Variants in RPS6KA5 observed in about 807,000 individuals in gnomAD.
The protein encoded by RPS6KA5 is ribosomal protein S6 kinase alpha-5.
Under a neutral mutation model 85.5 loss-of-function variants are expected in RPS6KA5, and 27 were observed. The observed-to-expected ratio is 0.32, with a 90% CI of 0.23 to 0.44. The LOEUF is 0.44. Ranked by LOEUF, RPS6KA5 falls within the 20% of genes least tolerant of loss-of-function variation. The probability of loss-of-function intolerance (pLI) is 1.00; values close to 1 mark genes in which losing one functional copy is unlikely to be tolerated. For missense variants in RPS6KA5, 811 were observed against 980.9 expected, an observed-to-expected ratio of 0.83 and a Z score of 2.31; for synonymous variants, 334 against 348.2, an observed-to-expected ratio of 0.96 and a Z score of 0.46.
In RPS6KA5 at chr14:90,872,003, A is replaced by G; in HGVS notation, c.*71T>C. ...ACCAACGGGAAACATTTTTAAAAGC[A>G]TAAAAGATCGCCTCAGGCATATGCT... On this transcript the variant is annotated 3_prime_UTR_variant, in exon 17 of 17. Transcript: ENST00000614987. The G allele has an allele frequency of 6.6e-7, 1 of 1,519,036 alleles. No homozygotes were observed. The highest frequency in any genetic ancestry group is 2.2e-5 in the Admixed American group (1 of 44,706). 94.1% of individuals were successfully genotyped at this position (1,519,036 alleles called of 1,614,324 possible).
chr14:91,047,869 C>T (rs1324286606), intron 1 of RPS6KA5, among the ~76,000 whole-genome samples: 3 of 152,176 alleles, frequency 2.0e-5, no homozygotes, highest in African/African-American at 4.8e-5. Flanking sequence ...GCAATGGCAT[C>T]ACTGATCTGT....
At chr14:90,965,270 A>C (rs1183863878) in intron 3 of RPS6KA5, among the ~76,000 whole-genome samples, 1 of 152,116 alleles carries the variant, frequency 6.6e-6, no homozygotes, top group African/African-American at 2.4e-5. Flanking sequence ...CTGTAATCCC[A>C]GGTACTCGGG....
rs562176628 is a variant in RPS6KA5 at position 90,875,119 on chromosome 14, A to G, written c.1996+82T>C. On this transcript the variant is annotated intron_variant, in intron 15 of 16. Coordinates refer to ENST00000614987, the MANE Select transcript of RPS6KA5 (RefSeq NM_004755.4). Reference sequence around the variant, plus strand: ...CACATGGATTCCTCGAGTAATTAACATATGAATGTATGTGTAATGGCCATG... The same window carrying G: ...CACATGGATTCCTCGAGTAATTAACGTATGAATGTATGTGTAATGGCCATG... 3.1e-6 allele frequency: 4 copies of G among 1,306,706 alleles called. No homozygotes were observed. In the Admixed American group the frequency reaches 6.2e-5, roughly 20 times the overall value. 80.9% of individuals were successfully genotyped at this position (1,306,706 alleles called of 1,614,324 possible). A position where few individuals can be genotyped will look rare whatever the true frequency, so the allele number is the denominator to read the frequency against.
chr14:90,885,715 C>G (rs1223766608), intron 14 of RPS6KA5, among the ~76,000 whole-genome samples: 1 of 126,958 alleles, frequency 7.9e-6, no homozygotes, highest in Admixed American at 9.1e-5. Context: ...GCACTCCAGC[C>G]TGGGTGACAG....
At chr14:90,906,394 AAG>A (rs1164465706) in intron 7 of RPS6KA5, 95 bp from the exon 8 acceptor site, 3 of 976,830 alleles carry the variant, frequency 3.1e-6, no homozygotes, top group Non-Finnish European at 4.5e-6. Flanking sequence ...CCACATGTGA[AAG>A]AGAGATATAA....
chr14:91,010,519 T>C (rs974144935), intron 1 of RPS6KA5, among the ~76,000 whole-genome samples: 1 of 152,168 alleles, frequency 6.6e-6, no homozygotes, highest in African/African-American at 2.4e-5. Context: ...AAACCCCTAA[T>C]GTCAATGTCA....
At chr14:91,017,960 A>C (rs1331147436) in intron 1 of RPS6KA5, among the ~76,000 whole-genome samples, 1 of 152,212 alleles carries the variant, frequency 6.6e-6, no homozygotes, top group Non-Finnish European at 1.5e-5. Flanking sequence ...CAATAAAGGT[A>C]AGGAAGAGTA....
chr14:90,926,752 G>A lies in RPS6KA5; in HGVS notation c.619-3556C>T, dbSNP rs1184945691. Among the ~76,000 whole-genome samples the A allele has an allele frequency of 2.0e-5, 3 of 151,556 alleles. No individual in the cohort carries two copies. In the East Asian group the frequency reaches 5.8e-4, roughly 29 times the overall value. ...TTTATACCCAGCAGCTAAGTTATCA[G>A]TTAATATGCAGGGCAAAATAAAGCA... On this transcript the variant is annotated intron_variant, in intron 5 of 16. Transcript: ENST00000614987.
chr14:91,012,330 T>C (rs1424216063), intron 1 of RPS6KA5, among the ~76,000 whole-genome samples: 1 of 152,240 alleles, frequency 6.6e-6, no homozygotes, highest in African/African-American at 2.4e-5. Flanking sequence ...TGACACTGTA[T>C]TGCACATATT....
At position 91,004,758 on chromosome 14, in the gene RPS6KA5, G is replaced by A. The variant is rs571375761; in HGVS notation, c.104-3599C>T. On this transcript the variant is annotated intron_variant, in intron 1 of 16. Coordinates refer to ENST00000614987, the MANE Select transcript of RPS6KA5 (RefSeq NM_004755.4). ...CGAGGCGGGTGGATCACGAGGTCAG[G>A]AGATCGAGACCATCCTGGCTAACAC... is the stretch of plus-strand genomic sequence containing the variant. Among the ~76,000 whole-genome samples the A allele has an allele frequency of 1.2e-3, 183 of 151,994 alleles. 2 individuals carry two copies. Among genetic ancestry groups the A allele is most frequent in the Non-Finnish European group, 1.3e-3 (91 of 67,974 alleles).
chr14:91,037,858 T>C (rs916930981), intron 1 of RPS6KA5, among the ~76,000 whole-genome samples: 3 of 152,224 alleles, frequency 2.0e-5, no homozygotes, highest in African/African-American at 4.8e-5. Context: ...ACCTGCAAGA[T>C]CCACCTCCCT....
chr14:90,912,904 C>CTTTTTTTTTTT (rs57029403), intron 7 of RPS6KA5, among the ~76,000 whole-genome samples: 2 of 53,286 alleles, frequency 3.8e-5, no homozygotes, highest in Non-Finnish European at 6.3e-5. Context: ...CATAAAGCAT[C>CTTTTTTTTTTT]TTTTTTTTTT....
intron 1 of RPS6KA5, chr14:91,060,120 G>C (rs898998117): frequency 1.0e-6 from 1 of 985,196 alleles, no homozygotes; most frequent in Non-Finnish European, 1.2e-6. Flanking sequence ...GCTCATTCCC[G>C]GGCTGGGGAA....
At chr14:91,019,825 T>C (rs183041568) in intron 1 of RPS6KA5, among the ~76,000 whole-genome samples, 1 of 152,300 alleles carries the variant, frequency 6.6e-6, no homozygotes, top group African/African-American at 2.4e-5. Context: ...GTAGCATCTG[T>C]ACATACAGTC....
intron 6 of RPS6KA5, among the ~76,000 whole-genome samples, chr14:90,921,048 A>AT (rs2140292460): frequency 6.6e-6 from 1 of 152,256 alleles, no homozygotes; most frequent in South Asian, 2.1e-4. Context: ...ATCTTGATGT[A>AT]TTGAAAATTA....
intron 1 of RPS6KA5, among the ~76,000 whole-genome samples, chr14:91,044,541 A>C (rs541769235): frequency 1.3e-5 from 2 of 152,238 alleles, no homozygotes; most frequent in East Asian, 3.9e-4. Flanking sequence ...AGAAAGTTAA[A>C]GTATGGAAAG....
At chr14:91,053,447 A>G (rs889984377) in intron 1 of RPS6KA5, among the ~76,000 whole-genome samples, 1 of 152,212 alleles carries the variant, frequency 6.6e-6, no homozygotes, top group Admixed American at 6.5e-5. Flanking sequence ...CAATCTTATA[A>G]ATAGAAAATC....
intron 2 of RPS6KA5, among the ~76,000 whole-genome samples, chr14:90,992,853 T>G (rs991373695): frequency 6.6e-6 from 1 of 152,202 alleles, no homozygotes; most frequent in Non-Finnish European, 1.5e-5. Context: ...TTTACACATT[T>G]CAAGATTACT....
intron 3 of RPS6KA5, among the ~76,000 whole-genome samples, chr14:90,960,364 G>A (rs776913771): frequency 2.6e-5 from 4 of 152,096 alleles, no homozygotes; most frequent in Non-Finnish European, 4.4e-5. Flanking sequence ...CAGGGATATC[G>A]TTAAATTTGA....
Sources: allele counts gnomAD v4.1 joint callset (sites outside exome capture counted in the v4.1 genomes callset), GRCh38; gene constraint gnomAD v4.1.1; transcripts MANE v1.5; gene names NCBI Gene and HGNC (gene_info 2026-07-23, HGNC 2026-07-21).